Variants in CFAP299 observed in about 807,000 individuals in gnomAD.
CFAP299 encodes the protein cilia- and flagella-associated protein 299.
In CFAP299, 21 loss-of-function variants were observed where a neutral mutation model predicts 27.0. The ratio of observed to expected loss-of-function variants is 0.78; its 90% CI spans 0.55 to 1.12. CFAP299 has a LOEUF of 1.12. Among genes scored for constraint, CFAP299 ranks in the 50% most tolerant of loss-of-function variants. The pLI, the probability that CFAP299 is intolerant of heterozygous loss-of-function variation, is 0.00. For missense variants in CFAP299, 310 were observed against 276.6 expected, an observed-to-expected ratio of 1.12 and a Z score of -0.86; for synonymous variants, 104 against 98.1, an observed-to-expected ratio of 1.06 and a Z score of -0.36.
chr4:80,514,173 A>T lies in CFAP299; in HGVS notation c.243-68920A>T, dbSNP rs576954259. On this transcript the variant is annotated intron_variant, in intron 2 of 5. Transcript: ENST00000358105. ...AGATTTTTTATAATTTTAGACTAAC[A>T]TCAATTCAAAAAATAGACCATATTA... Among the ~76,000 whole-genome samples, 3 of 152,190 alleles carry T rather than the reference A, an allele frequency of 2.0e-5. No individual in the cohort carries two copies. The East Asian group carries it at 5.8e-4, about 29-fold the overall frequency.
At chr4:80,420,210 A>G (rs1461106407) in intron 2 of CFAP299, 2 of 455,954 alleles carry the variant, frequency 4.4e-6, no homozygotes, top group Non-Finnish European at 8.8e-6. Context: ...TCGGACTTTT[A>G]CAGGTGTCAG....
chr4:80,501,602 T>C (rs1257298449), intron 2 of CFAP299, among the ~76,000 whole-genome samples: 3 of 150,102 alleles, frequency 2.0e-5, no homozygotes, highest in Non-Finnish European at 4.4e-5. Flanking sequence ...ATGAATTTAT[T>C]AAAATTAGTT....
At chr4:80,896,793 G>A (rs1734630334) in intron 4 of CFAP299, among the ~76,000 whole-genome samples, 1 of 151,958 alleles carries the variant, frequency 6.6e-6, no homozygotes, top group African/African-American at 2.4e-5. Flanking sequence ...ATAACACAAT[G>A]GCTCAAAATA....
At chr4:80,763,572 C>T (rs1725662553) in intron 3 of CFAP299, among the ~76,000 whole-genome samples, 1 of 152,076 alleles carries the variant, frequency 6.6e-6, no homozygotes, top group Non-Finnish European at 1.5e-5. Flanking sequence ...TCAAGAATAT[C>T]ATTGACTTTC....
intron 2 of CFAP299, among the ~76,000 whole-genome samples, chr4:80,520,131 T>C (rs1732833218): frequency 6.6e-6 from 1 of 152,202 alleles, no homozygotes; most frequent in African/African-American, 2.4e-5. Context: ...TTATTTAATT[T>C]TCCATTTGTT....
At chr4:80,458,481 T>C (rs1216166939) in intron 2 of CFAP299, among the ~76,000 whole-genome samples, 1 of 152,192 alleles carries the variant, frequency 6.6e-6, no homozygotes, top group Non-Finnish European at 1.5e-5. Flanking sequence ...TTTCTGCCTT[T>C]TTAAAAAAAT....
At chr4:80,521,186 A>G (rs1457484809) in intron 2 of CFAP299, among the ~76,000 whole-genome samples, 1 of 152,176 alleles carries the variant, frequency 6.6e-6, no homozygotes, top group Admixed American at 6.5e-5. Flanking sequence ...GAGGAATTAA[A>G]CCGACACAAA....
At position 80,744,974 on chromosome 4, in the gene CFAP299, A is replaced by G. The variant is rs540368277; in HGVS notation, c.334-125019A>G. Among the ~76,000 whole-genome samples, 5 of 152,286 alleles carry G rather than the reference A, an allele frequency of 3.3e-5. No individual in the cohort carries two copies. In the East Asian group the frequency reaches 9.6e-4, roughly 29 times the overall value. On this transcript the variant is annotated intron_variant, in intron 3 of 5. Coordinates refer to ENST00000358105, the MANE Select transcript of CFAP299 (RefSeq NM_152770.3). Reference sequence around the variant, plus strand: ...GATCCATCCAGATACTATGTGCCTTAGCCCATGTTGCAGTGAAATCTCAAA... The same window carrying G: ...GATCCATCCAGATACTATGTGCCTTGGCCCATGTTGCAGTGAAATCTCAAA...
chr4:80,930,934 C>T (rs1356997216), intron 4 of CFAP299, among the ~76,000 whole-genome samples: 1 of 151,478 alleles, frequency 6.6e-6, no homozygotes, highest in East Asian at 1.9e-4. Flanking sequence ...TTTTTTTTCC[C>T]TCAGTCTGGA....
chr4:80,807,685 G>A (rs1170918965), intron 3 of CFAP299, among the ~76,000 whole-genome samples: 2 of 152,028 alleles, frequency 1.3e-5, no homozygotes, highest in Admixed American at 6.6e-5. Context: ...TTTAAAAAGT[G>A]CTTTCACATT....
At chr4:80,528,418 C>G (rs531645485) in intron 2 of CFAP299, among the ~76,000 whole-genome samples, 1 of 152,100 alleles carries the variant, frequency 6.6e-6, no homozygotes, top group South Asian at 2.1e-4. Context: ...CTTAGTGTTT[C>G]ATAATGTGGT....
intron 2 of CFAP299, among the ~76,000 whole-genome samples, chr4:80,537,190 A>G (rs1733786148): frequency 6.6e-6 from 1 of 152,068 alleles, no homozygotes; most frequent in African/African-American, 2.4e-5. Context: ...AACAATAAGT[A>G]TTGATGAGGA....
At chr4:80,638,808 T>C (rs1739581951) in intron 3 of CFAP299, among the ~76,000 whole-genome samples, 1 of 152,208 alleles carries the variant, frequency 6.6e-6, no homozygotes. Flanking sequence ...ACTCAATATG[T>C]ATTAGGTTGT....
intron 3 of CFAP299, among the ~76,000 whole-genome samples, chr4:80,691,524 G>C (rs537374138): frequency 8.2e-4 from 125 of 152,202 alleles, no homozygotes; most frequent in African/African-American, 2.9e-3. Flanking sequence ...CAATAAATTA[G>C]GTATTGATGG....
the CFAP299 span, among the ~76,000 whole-genome samples, chr4:80,323,305 T>C: frequency 6.6e-6 from 1 of 152,240 alleles, no homozygotes; most frequent in Non-Finnish European, 1.5e-5. Flanking sequence ...TGGTCTTTGT[T>C]TTGTGCAGTT....
chr4:80,662,240 G>T (rs1399288971), intron 3 of CFAP299, among the ~76,000 whole-genome samples: 1 of 151,990 alleles, frequency 6.6e-6, no homozygotes, highest in Non-Finnish European at 1.5e-5. Flanking sequence ...AAATTTGCTG[G>T]TTTTACGGCT....
At chr4:80,882,413 C>A (rs1037433611) in intron 4 of CFAP299, among the ~76,000 whole-genome samples, 2 of 151,892 alleles carry the variant, frequency 1.3e-5, no homozygotes, top group African/African-American at 4.8e-5. Context: ...CCGAGGCGGG[C>A]GGATTACGAG....
chr4:80,461,263 A>G (rs1244753874), intron 2 of CFAP299, among the ~76,000 whole-genome samples: 1 of 152,126 alleles, frequency 6.6e-6, no homozygotes. Flanking sequence ...CAAAGAAGAG[A>G]CCTGGAAAAA....
intron 2 of CFAP299, among the ~76,000 whole-genome samples, chr4:80,544,311 A>G (rs929611383): frequency 6.6e-6 from 1 of 152,200 alleles, no homozygotes; most frequent in African/African-American, 2.4e-5. Flanking sequence ...TCTACATAAC[A>G]ACTGGCTAAC....
Sources: gnomAD v4.1 joint callset for allele counts (sites outside exome capture counted in the v4.1 genomes callset) on GRCh38, gnomAD v4.1.1 for gene constraint, MANE v1.5 for transcripts, NCBI Gene and HGNC (gene_info 2026-07-23, HGNC 2026-07-21) for gene names.